The following OSBPL6 variants were observed in gnomAD, a reference collection of about 807,000 sequenced individuals.
OSBPL6 encodes oxysterol binding protein like 6, also known as oxysterol-binding protein-related protein 6.
In OSBPL6, 49 loss-of-function variants were observed where a neutral mutation model predicts 125.8. That is an observed-to-expected ratio of 0.39 (90% CI 0.31 to 0.49). The LOEUF is 0.49. OSBPL6 is among the 20% of genes least tolerant of loss of function. The probability of loss-of-function intolerance (pLI) is 0.88; values close to 1 mark genes in which losing one functional copy is unlikely to be tolerated. For missense variants in OSBPL6, 986 were observed against 1,135.4 expected (o/e 0.87, Z 1.89); for synonymous variants, 394 against 391.8 (o/e 1.01, Z -0.07).
At chr2:178,256,919 T>C (rs2091904181) in intron 1 of OSBPL6, among the ~76,000 whole-genome samples, 1 of 152,136 alleles carries the variant, frequency 6.6e-6, no homozygotes, top group Non-Finnish European at 1.5e-5. Flanking sequence ...CCTGCAACTG[T>C]CTCTCAATAT....
At chr2:178,212,636 C>T (rs2153957342) in intron 1 of OSBPL6, among the ~76,000 whole-genome samples, 1 of 152,316 alleles carries the variant, frequency 6.6e-6, no homozygotes, top group African/African-American at 2.4e-5. Context: ...TATAAAACAC[C>T]TTAGCTGGAA....
intron 1 of OSBPL6, among the ~76,000 whole-genome samples, chr2:178,274,515 G>T (rs2092432270): frequency 6.6e-6 from 1 of 152,086 alleles, no homozygotes; most frequent in Non-Finnish European, 1.5e-5. Context: ...CACAGATCAT[G>T]GAACAGAAGC....
intron 1 of OSBPL6, among the ~76,000 whole-genome samples, chr2:178,229,694 G>A (rs894804148): frequency 6.6e-6 from 1 of 152,184 alleles, no homozygotes; most frequent in East Asian, 1.9e-4. Context: ...GCCAAGTGTG[G>A]TGGTGTGCAC....
At chr2:178,316,227 T>C in intron 3 of OSBPL6, among the ~76,000 whole-genome samples, 1 of 152,332 alleles carries the variant, frequency 6.6e-6, no homozygotes. Flanking sequence ...TTGATTTAGC[T>C]TTTTTGGAGT....
chr2:178,376,818 G>A (rs1022394530), intron 15 of OSBPL6, among the ~76,000 whole-genome samples: 5 of 152,122 alleles, frequency 3.3e-5, no homozygotes, highest in Admixed American at 2.0e-4. Flanking sequence ...CAAGGAGAGT[G>A]ACTCTCTCCT....
intron 1 of OSBPL6, among the ~76,000 whole-genome samples, chr2:178,284,205 A>T (rs953980315): frequency 6.6e-6 from 1 of 152,080 alleles, no homozygotes; most frequent in Admixed American, 6.5e-5. Context: ...AGGGCATTAG[A>T]GATTGTACAT....
chr2:178,345,987 G>T (rs934714666), intron 11 of OSBPL6, among the ~76,000 whole-genome samples: 1 of 152,092 alleles, frequency 6.6e-6, no homozygotes. Flanking sequence ...TAGAAGTTAC[G>T]AGAAAAACTT....
intron 2 of OSBPL6, among the ~76,000 whole-genome samples, chr2:178,298,391 G>A (rs927254091): frequency 1.3e-5 from 2 of 152,206 alleles, no homozygotes; most frequent in Non-Finnish European, 2.9e-5. Flanking sequence ...ATACCTAAAA[G>A]TGGAATTGTT....
intron 11 of OSBPL6, among the ~76,000 whole-genome samples, chr2:178,343,900 C>T (rs180899692): frequency 4.6e-5 from 7 of 152,272 alleles, no homozygotes; most frequent in African/African-American, 1.7e-4. Context: ...CACATTATTT[C>T]ATCAGTTTTT....
At chr2:178,339,632 T>A in intron 10 of OSBPL6, 40 bp from the exon 11 acceptor site, 1 of 1,506,640 alleles carries the variant, frequency 6.6e-7, no homozygotes. Flanking sequence ...TGTGTGAACT[T>A]AATAATACTT....
intron 15 of OSBPL6, among the ~76,000 whole-genome samples, chr2:178,379,295 A>C (rs1285760273): frequency 7.2e-6 from 1 of 139,798 alleles, no homozygotes; most frequent in Non-Finnish European, 1.6e-5. Context: ...AAAGAAAGAA[A>C]GAAGAAAGAA....
intron 11 of OSBPL6, among the ~76,000 whole-genome samples, chr2:178,343,196 A>G (rs1274005726): frequency 3.3e-5 from 5 of 152,256 alleles, no homozygotes; most frequent in African/African-American, 2.4e-5. Flanking sequence ...AGGAGATTCT[A>G]AGAAAGTATA....
At chr2:178,256,187 G>C (rs2091882358) in intron 1 of OSBPL6, among the ~76,000 whole-genome samples, 1 of 152,184 alleles carries the variant, frequency 6.6e-6, no homozygotes, top group Non-Finnish European at 1.5e-5. Flanking sequence ...TTGGTGTTTA[G>C]AGAAAGCAGC....
At chr2:178,259,954 T>C (rs2092004494) in intron 1 of OSBPL6, among the ~76,000 whole-genome samples, 1 of 152,206 alleles carries the variant, frequency 6.6e-6, no homozygotes, top group African/African-American at 2.4e-5. Flanking sequence ...TGACTGGCCT[T>C]GGTAATTACC....
intron 2 of OSBPL6, among the ~76,000 whole-genome samples, chr2:178,290,048 C>T (rs568690684): frequency 1.3e-5 from 2 of 152,308 alleles, no homozygotes; most frequent in African/African-American, 2.4e-5. Context: ...AAAGTTACCC[C>T]ATCCGTTTTT....
At chr2:178,390,726 G>A (rs369167611) in intron 21 of OSBPL6, among the ~76,000 whole-genome samples, 35 of 152,266 alleles carry the variant, frequency 2.3e-4, no homozygotes, top group African/African-American at 8.4e-4. Flanking sequence ...AATTTCTGCA[G>A]CATGGCCAAT....
At chr2:178,293,626 C>G (rs759303961) in intron 2 of OSBPL6, among the ~76,000 whole-genome samples, 1 of 151,974 alleles carries the variant, frequency 6.6e-6, no homozygotes, top group African/African-American at 2.4e-5. Context: ...ATCATGTATC[C>G]TTTGTGTTAC....
At chr2:178,254,762 G>A (rs184538080) in intron 1 of OSBPL6, among the ~76,000 whole-genome samples, 4 of 152,238 alleles carry the variant, frequency 2.6e-5, no homozygotes, top group East Asian at 1.9e-4. Context: ...ACAGTGCCCC[G>A]AAGTGACTGT....
At chr2:178,382,710 A>G (rs1298852029) in intron 16 of OSBPL6, 1 of 1,449,962 alleles carries the variant, frequency 6.9e-7, no homozygotes. Flanking sequence ...TAGTTAAGAG[A>G]AAACGTTTTT....
Sources: gnomAD v4.1 joint callset for allele counts (sites outside exome capture counted in the v4.1 genomes callset) on GRCh38, gnomAD v4.1.1 for gene constraint, MANE v1.5 for transcripts, NCBI Gene and HGNC (gene_info 2026-07-23, HGNC 2026-07-21) for gene names.